CHD9: variants seen among roughly 807,000 people sequenced by gnomAD.
CHD9 encodes ATP-dependent chromatin remodeler CHD9.
A neutral mutation model predicts 316.1 loss-of-function variants in CHD9; 77 were observed. The observed-to-expected ratio is 0.24, with a 90% CI of 0.20 to 0.29. CHD9 has a LOEUF of 0.29. Ranked by LOEUF, CHD9 falls within the 10% of genes least tolerant of loss-of-function variation. CHD9 has a pLI of 1.00. For missense variants in CHD9, 2,763 were observed against 3,438.1 expected (o/e 0.80, Z 4.91); for synonymous variants, 1,129 against 1,158.3 (o/e 0.97, Z 0.51).
At chr16:53,067,932 G>A (rs2033671791) in intron 1 of CHD9, among the ~76,000 whole-genome samples, 1 of 151,958 alleles carries the variant, frequency 6.6e-6, no homozygotes, top group Admixed American at 6.6e-5. Context: ...GGTGGCATGT[G>A]CCTGTGGTAC....
chr16:53,171,302 C>T (rs1371607367), intron 2 of CHD9, among the ~76,000 whole-genome samples: 1 of 152,046 alleles, frequency 6.6e-6, no homozygotes, highest in Non-Finnish European at 1.5e-5. Context: ...GCCTGTAGTC[C>T]CAGCTGCTCG....
At chr16:53,056,207 A>G (rs528992047) in intron 1 of CHD9, among the ~76,000 whole-genome samples, 16 of 152,326 alleles carry the variant, frequency 1.1e-4, no homozygotes, top group African/African-American at 3.8e-4. Flanking sequence ...TTATGTTTAT[A>G]TAACAGCAGT....
chr16:53,063,403 A>AC (rs1567301858), intron 1 of CHD9, among the ~76,000 whole-genome samples: 3 of 121,284 alleles, frequency 2.5e-5, no homozygotes, highest in African/African-American at 9.0e-5. Context: ...CACACACACA[A>AC]AATGTGAAGG....
intron 20 of CHD9, among the ~76,000 whole-genome samples, chr16:53,266,898 A>G (rs937184462): frequency 6.6e-6 from 1 of 152,142 alleles, no homozygotes; most frequent in African/African-American, 2.4e-5. Flanking sequence ...TTTTGAATTT[A>G]CCTTTAGAAT....
rs573594271 is a variant in CHD9 at position 53,089,026 on chromosome 16, C to T, written c.-165+33949C>T. Among the ~76,000 whole-genome samples the T allele has an allele frequency of 1.4e-3, 210 of 152,126 alleles. 1 individual carries two copies. Among genetic ancestry groups the T allele is most frequent in the Non-Finnish European group, 2.3e-3 (159 of 67,996 alleles). ...ACTCAGGAGTCTGTGGCAGAAGAATCGCTTGAACCTGGGAGGCGGAGGTTG... is the reference window on the plus strand; with the variant it reads ...ACTCAGGAGTCTGTGGCAGAAGAATTGCTTGAACCTGGGAGGCGGAGGTTG... On this transcript the variant is annotated intron_variant, in intron 1 of 38. Transcript: ENST00000447540.
intron 24 of CHD9, among the ~76,000 whole-genome samples, chr16:53,275,929 CT>C (rs1356422340): frequency 1.3e-5 from 2 of 152,134 alleles, no homozygotes; most frequent in African/African-American, 4.8e-5. Context: ...GCATAATCAC[CT>C]GGTCATACAG....
intron 27 of CHD9, among the ~76,000 whole-genome samples, chr16:53,288,281 A>G (rs17394680): frequency 0.28 from 42,243 of 151,994 alleles, 5,967 homozygotes; most frequent in Middle Eastern, 0.32. Flanking sequence ...TCTTAGAGCT[A>G]AGAAACACAG....
chr16:53,076,696 C>A (rs912168882), intron 1 of CHD9, among the ~76,000 whole-genome samples: 3 of 151,930 alleles, frequency 2.0e-5, no homozygotes, highest in Middle Eastern at 3.4e-3. Flanking sequence ...ATCACTTGAA[C>A]CTGGAGGTGG....
At chr16:53,207,027 G>A (rs951726056) in intron 2 of CHD9, among the ~76,000 whole-genome samples, 1 of 152,092 alleles carries the variant, frequency 6.6e-6, no homozygotes, top group Non-Finnish European at 1.5e-5. Context: ...CCATCCAGAT[G>A]GGTCTTTCTA....
chr16:53,318,844 CATT>C (rs368595824), intron 37 of CHD9, among the ~76,000 whole-genome samples: 9 of 152,220 alleles, frequency 5.9e-5, no homozygotes, highest in Non-Finnish European at 1.2e-4. Context: ...ACACCACTCA[CATT>C]ATAGCCATCA....
At chr16:53,091,013 C>A (rs2388010) in intron 1 of CHD9, among the ~76,000 whole-genome samples, 65,017 of 150,978 alleles carry the variant, frequency 0.43, 14,871 homozygotes, top group East Asian at 0.6. Context: ...CCCCCCCCGA[C>A]TGACCGCGGT....
chr16:53,327,213 AAAGAATATCC>A lies in CHD9; in HGVS notation c.*2322_*2331del, dbSNP rs1401098914. ...TTACATAATACTAAAGTTGCAGTTG[AAAGAATATCC>A]AAGTATGTGTTGGTAGTTACTAAAA... On this transcript the variant is annotated 3_prime_UTR_variant, in exon 39 of 39. Coordinates refer to ENST00000447540, the MANE Select transcript of CHD9 (RefSeq NM_001308319.2). 6.6e-6 allele frequency: 1 copy of A among 152,556 alleles called. No individual in the cohort carries two copies. The highest frequency in any genetic ancestry group is 1.5e-5 in the Non-Finnish European group (1 of 67,970). 9.5% of individuals were successfully genotyped at this position (152,556 alleles called of 1,614,324 possible). A position where few individuals can be genotyped will look rare whatever the true frequency, so the allele number is the denominator to read the frequency against.
intron 1 of CHD9, among the ~76,000 whole-genome samples, chr16:53,133,652 C>G (rs2039500271): frequency 6.6e-6 from 1 of 152,078 alleles, no homozygotes; most frequent in African/African-American, 2.4e-5. Context: ...GAGGTCTATC[C>G]TCTGAAATCA....
At chr16:53,086,744 A>G (rs2035495773) in intron 1 of CHD9, among the ~76,000 whole-genome samples, 1 of 152,244 alleles carries the variant, frequency 6.6e-6, no homozygotes, top group Non-Finnish European at 1.5e-5. Flanking sequence ...ATGCTCAGGT[A>G]GGCGGAATGA....
intron 2 of CHD9, among the ~76,000 whole-genome samples, chr16:53,176,348 T>TA (rs2043100681): frequency 6.6e-6 from 1 of 152,236 alleles, no homozygotes. Context: ...GTCTTCCACT[T>TA]ATAAGGACCC....
Position 53,242,896 on chromosome 16 carries a change from G to A in CHD9, c.2934G>A (p.Met978Ile), listed in dbSNP as rs750692618. The A allele has an allele frequency of 6.2e-7, 1 of 1,613,556 alleles. No individual in the cohort carries two copies. The highest frequency in any genetic ancestry group is 1.1e-5 in the South Asian group (1 of 91,064). The part of the protein sequence containing the change: ...RFQAIITTFE[M>I]ILGGCGELNA... The stretch of plus-strand genomic sequence containing the variant: ...AAGCCATCATCACCACTTTTGAAAT[G>A]ATTCTTGGAGGCTGTGGAGAGCTTA... The change falls in exon 13 of 39, where the codon ATG (methionine) becomes ATA (isoleucine). Residue 978 changes from methionine to isoleucine, a missense_variant. Coordinates refer to ENST00000447540, the MANE Select transcript of CHD9 (RefSeq NM_001308319.2).
At chr16:53,210,684 C>T (rs1447657181) in intron 3 of CHD9, among the ~76,000 whole-genome samples, 3 of 151,692 alleles carry the variant, frequency 2.0e-5, no homozygotes, top group Non-Finnish European at 1.5e-5. Context: ...ACAAAAAGTC[C>T]GCAATAAAGA....
rs61450186 is a variant in CHD9, at chr16:53,100,453, C to CTTTTTT, written c.-165+45388_-165+45393dup. ...GCACTCTGAATTTAGACTCATTCGT[C>CTTTTTT]TTTTTTTTTTTTTTTTTCCAAAAGA... On this transcript the variant is annotated intron_variant, in intron 1 of 38. Transcript: ENST00000447540. 4.6e-5 allele frequency among the ~76,000 whole-genome samples: 6 copies of CTTTTTT among 129,648 alleles called. 1 individual carries two copies. Among genetic ancestry groups the CTTTTTT allele is most frequent in the Admixed American group, 8.1e-5 (1 of 12,360 alleles). 85.1% of individuals were successfully genotyped at this position (129,648 alleles called of 152,430 possible). A position where few individuals can be genotyped will look rare whatever the true frequency, so the allele number is the denominator to read the frequency against.
intron 2 of CHD9, among the ~76,000 whole-genome samples, chr16:53,192,734 C>T (rs1295276127): frequency 6.6e-6 from 1 of 152,172 alleles, no homozygotes; most frequent in Non-Finnish European, 1.5e-5. Context: ...TGGATGGAAT[C>T]ATGCAGTATA....
Sources: gnomAD v4.1 joint callset for allele counts (sites outside exome capture counted in the v4.1 genomes callset) on GRCh38, gnomAD v4.1.1 for gene constraint, MANE v1.5 for transcripts, NCBI Gene and HGNC (gene_info 2026-07-23, HGNC 2026-07-21) for gene names.